PTPRD: variants seen among roughly 807,000 people sequenced by gnomAD.
PTPRD encodes protein tyrosine phosphatase receptor type D, also known as receptor-type tyrosine-protein phosphatase delta.
PTPRD carries 34 observed loss-of-function variants against 214.5 expected under a neutral mutation model. The ratio of observed to expected loss-of-function variants is 0.16; its 90% CI spans 0.12 to 0.21. The LOEUF (loss-of-function observed/expected upper bound fraction) is 0.21, where lower values mean the gene tolerates loss of function less well. PTPRD is among the 10% of genes least tolerant of loss of function. The probability of loss-of-function intolerance (pLI) is 1.00; values close to 1 mark genes in which losing one functional copy is unlikely to be tolerated. For missense variants in PTPRD, 2,545 were observed against 2,398.7 expected, an observed-to-expected ratio of 1.06 and a Z score of -1.27; for synonymous variants, 1,128 against 845.7, an observed-to-expected ratio of 1.33 and a Z score of -5.79.
intron 14 of PTPRD, among the ~76,000 whole-genome samples, chr9:8,568,106 T>C (rs960666127): frequency 2.6e-5 from 4 of 152,158 alleles, no homozygotes; most frequent in Non-Finnish European, 5.9e-5. Context: ...ATATTCTAAA[T>C]ACTGCAAATT....
intron 3 of PTPRD, among the ~76,000 whole-genome samples, chr9:10,174,159 T>C (rs2099230718): frequency 1.3e-5 from 2 of 152,190 alleles, no homozygotes; most frequent in Non-Finnish European, 1.5e-5. Flanking sequence ...GTTATTGCTA[T>C]GGTTTGAATG....
chr9:10,051,175 G>A (rs1030108224), intron 3 of PTPRD, among the ~76,000 whole-genome samples: 17 of 151,966 alleles, frequency 1.1e-4, no homozygotes, highest in Non-Finnish European at 2.1e-4. Context: ...TAAGCAAAGG[G>A]CTCATTTTGT....
At chr9:8,640,918 C>T (rs1379078443) in intron 12 of PTPRD, among the ~76,000 whole-genome samples, 1 of 133,494 alleles carries the variant, frequency 7.5e-6, no homozygotes, top group Non-Finnish European at 1.5e-5. Context: ...TGGTCAAACT[C>T]TCAGATGGTG....
intron 11 of PTPRD, among the ~76,000 whole-genome samples, chr9:8,797,849 C>G (rs1323645485): frequency 6.6e-6 from 1 of 150,654 alleles, no homozygotes; most frequent in East Asian, 2.0e-4. Context: ...GACAGACTCT[C>G]AGAAAATAAA....
chr9:9,776,856 C>G (rs10977972), intron 5 of PTPRD, among the ~76,000 whole-genome samples: 5,633 of 152,266 alleles, frequency 0.037, 173 homozygotes, highest in Non-Finnish European at 0.058. Flanking sequence ...CAGCAAAGCC[C>G]ATTCGTTAAC....
chr9:9,650,508 C>T (rs1188833444), intron 7 of PTPRD, among the ~76,000 whole-genome samples: 2 of 151,992 alleles, frequency 1.3e-5, no homozygotes, highest in African/African-American at 2.4e-5. Flanking sequence ...AAGGATAATG[C>T]CCTGAAATTT....
At chr9:9,152,479 A>G (rs1295924444) in intron 10 of PTPRD, among the ~76,000 whole-genome samples, 1 of 152,206 alleles carries the variant, frequency 6.6e-6, no homozygotes, top group Non-Finnish European at 1.5e-5. Context: ...AGGTTAAAGC[A>G]GACTGTAGGA....
intron 11 of PTPRD, among the ~76,000 whole-genome samples, chr9:8,822,402 G>A (rs1466990971): frequency 6.6e-6 from 1 of 152,198 alleles, no homozygotes; most frequent in African/African-American, 2.4e-5. Context: ...ATAATCATGT[G>A]TTCTGACAGA....
chr9:9,522,865 C>T (rs1441896973), intron 8 of PTPRD, among the ~76,000 whole-genome samples: 1 of 152,150 alleles, frequency 6.6e-6, no homozygotes, highest in Admixed American at 6.5e-5. Flanking sequence ...TGCCACCTCC[C>T]TCTGGCTAAG....
intron 6 of PTPRD, among the ~76,000 whole-genome samples, chr9:9,754,598 G>A (rs1272555472): frequency 6.6e-6 from 1 of 151,962 alleles, no homozygotes; most frequent in Non-Finnish European, 1.5e-5. Context: ...ATATTATACT[G>A]ATATTACATG....
intron 9 of PTPRD, among the ~76,000 whole-genome samples, chr9:9,259,801 G>A (rs2099979296): frequency 6.6e-6 from 1 of 151,864 alleles, no homozygotes; most frequent in Non-Finnish European, 1.5e-5. Flanking sequence ...TCGCACACAT[G>A]GTCTTCTGAA....
At chr9:8,339,078 T>C (rs746442625) in intron 42 of PTPRD, 31 bp from the exon 43 acceptor site, 7 of 1,599,042 alleles carry the variant, frequency 4.4e-6, no homozygotes, top group Middle Eastern at 1.7e-4. Context: ...TGTTAAACTA[T>C]GCAAAGTATA....
At chr9:8,358,966 G>A (rs948997299) in intron 39 of PTPRD, among the ~76,000 whole-genome samples, 1 of 150,154 alleles carries the variant, frequency 6.7e-6, no homozygotes, top group African/African-American at 2.5e-5. Flanking sequence ...AAATTAGCCG[G>A]GCGTGGTGGC....
intron 9 of PTPRD, among the ~76,000 whole-genome samples, chr9:9,297,698 G>A (rs891542403): frequency 1.3e-5 from 2 of 151,502 alleles, no homozygotes; most frequent in Non-Finnish European, 3.0e-5. Flanking sequence ...CAACATTGAT[G>A]GTTGGTTAAG....
chr9:9,104,774 CT>C (rs1345156393), intron 10 of PTPRD, among the ~76,000 whole-genome samples: 1 of 152,188 alleles, frequency 6.6e-6, no homozygotes, highest in Non-Finnish European at 1.5e-5. Context: ...TTTGTTCATT[CT>C]ATCGCTCCAC....
At chr9:10,458,545 C>G (rs918371254) in intron 2 of PTPRD, among the ~76,000 whole-genome samples, 1 of 152,108 alleles carries the variant, frequency 6.6e-6, no homozygotes, top group Non-Finnish European at 1.5e-5. Context: ...AAGTTCTTCA[C>G]CGTAGTAAAG....
chr9:8,790,535 A>G (rs1395705092), intron 11 of PTPRD, among the ~76,000 whole-genome samples: 2 of 151,948 alleles, frequency 1.3e-5, no homozygotes, highest in East Asian at 2.0e-4. Flanking sequence ...CTCCTGCCTC[A>G]GCCTCCCGAG....
intron 14 of PTPRD, among the ~76,000 whole-genome samples, chr9:8,570,289 C>A (rs1406868340): frequency 6.6e-6 from 1 of 152,122 alleles, no homozygotes; most frequent in Non-Finnish European, 1.5e-5. Context: ...TGCCACAATA[C>A]AAATACTTTC....
chr9:8,978,902 C>A (rs577742991), intron 11 of PTPRD, among the ~76,000 whole-genome samples: 3 of 152,252 alleles, frequency 2.0e-5, no homozygotes, highest in East Asian at 3.9e-4. Flanking sequence ...CTTTGCAAGG[C>A]AATGCACATG....
Sources: gnomAD v4.1 joint callset for allele counts (sites outside exome capture counted in the v4.1 genomes callset) on GRCh38, gnomAD v4.1.1 for gene constraint, MANE v1.5 for transcripts, NCBI Gene and HGNC (gene_info 2026-07-23, HGNC 2026-07-21) for gene names.